SIRT5: variants seen among roughly 807,000 people sequenced by gnomAD.
SIRT5 encodes sirtuin 5.
SIRT5 carries 26 observed loss-of-function variants against 40.0 expected under a neutral mutation model. The ratio of observed to expected loss-of-function variants is 0.65; its 90% confidence interval spans 0.48 to 0.90. The LOEUF is 0.90. SIRT5 is among the 40% of genes least tolerant of loss of function. The probability of loss-of-function intolerance (pLI) is 0.00; values close to 1 mark genes in which losing one functional copy is unlikely to be tolerated. For missense variants in SIRT5, 401 were observed against 402.4 expected, an observed-to-expected ratio of 1.00 and a Z score of 0.03; for synonymous variants, 146 against 149.1, an observed-to-expected ratio of 0.98 and a Z score of 0.15.
chr6:13,605,237 A>T, intron 9 of SIRT5: 1 of 915,262 alleles, frequency 1.1e-6, no homozygotes. Flanking sequence ...ATAAGGTTTC[A>T]TTGGAACACA....
chr6:13,578,252 T>G (rs1758873204), intron 1 of SIRT5, among the ~76,000 whole-genome samples: 1 of 152,210 alleles, frequency 6.6e-6, no homozygotes, highest in Non-Finnish European at 1.5e-5. Flanking sequence ...GATATTGGTC[T>G]GTAGTTTTTC....
rs1051741034 is a variant in SIRT5, at chr6:13,615,142, A to G, written c.*3277A>G. Reference sequence around the variant, plus strand: ...TGCCAGCCGCTTTCGCCGGCAGAGCATTTTCCGTGGGGTCCATCCGGCTCC... The same window carrying G: ...TGCCAGCCGCTTTCGCCGGCAGAGCGTTTTCCGTGGGGTCCATCCGGCTCC... On this transcript the variant is annotated 3_prime_UTR_variant, in exon 10 of 10. Coordinates refer to ENST00000606117, the MANE Select transcript of SIRT5 (RefSeq NM_012241.5). The G allele has an allele frequency of 1.9e-6, 1 of 512,890 alleles. No homozygotes were observed. The highest frequency in any genetic ancestry group is 2.0e-5 in the African/African-American group (1 of 49,492). The allele number at this position is 512,890 out of a possible 1,614,324, so 31.8% of individuals were successfully genotyped here.
At chr6:13,578,561 A>G (rs1042105726) in intron 1 of SIRT5, among the ~76,000 whole-genome samples, 4 of 150,600 alleles carry the variant, frequency 2.7e-5, no homozygotes, top group Non-Finnish European at 5.9e-5. Flanking sequence ...AGCTTGCAGT[A>G]AGTGGAGACG....
chr6:13,576,563 C>T (rs1010205602), intron 1 of SIRT5, among the ~76,000 whole-genome samples: 1 of 152,128 alleles, frequency 6.6e-6, no homozygotes, highest in Non-Finnish European at 1.5e-5. Flanking sequence ...ATAAGAGCCC[C>T]TTATCAGATG....
chr6:13,600,645 T>C (rs1762252260), intron 8 of SIRT5, among the ~76,000 whole-genome samples, 189 bp from the exon 9 acceptor site: 1 of 152,260 alleles, frequency 6.6e-6, no homozygotes, highest in South Asian at 2.1e-4. Flanking sequence ...TTCTCGATTC[T>C]AGTGATTGAT....
At position 13,614,119 on chromosome 6, in the gene SIRT5, C is replaced by T. The variant is rs578257680; in HGVS notation, c.*2254C>T. 6.6e-6 allele frequency: 1 copy of T among 152,318 alleles called. No homozygotes were observed. Among genetic ancestry groups the T allele is most frequent in the East Asian group, 1.9e-4 (1 of 5,192 alleles). 9.4% of individuals were successfully genotyped at this position (152,318 alleles called of 1,614,324 possible). On this transcript the variant is annotated 3_prime_UTR_variant, in exon 10 of 10. Transcript: ENST00000606117. ...ATATGTGTAAGATAGAATTATTCAA[C>T]TTAGCATTTATTAAACATCTACCAG...
chr6:13,576,364 T>C lies in SIRT5; in HGVS notation c.-195+1620T>C, dbSNP rs1234346182. The stretch of plus-strand genomic sequence containing the variant: ...AGCCATTCTAACAAGCGTGAGGTGG[T>C]AGCTCAGTGTGATTTAATTTGCATT... On this transcript the variant is annotated intron_variant, in intron 1 of 9. Coordinates refer to ENST00000606117, the MANE Select transcript of SIRT5 (RefSeq NM_012241.5). 2.0e-5 allele frequency among the ~76,000 whole-genome samples: 3 copies of C among 152,246 alleles called. No homozygotes were observed. The East Asian group carries it at 5.8e-4, about 29-fold the overall frequency.
At chr6:13,589,839 G>A (rs530542279) in intron 4 of SIRT5, among the ~76,000 whole-genome samples, 82 of 152,286 alleles carry the variant, frequency 5.4e-4, no homozygotes, top group South Asian at 4.1e-4. Context: ...GCGCTTAGTT[G>A]CGTCCGAAAA....
At position 13,584,141 on chromosome 6, in the gene SIRT5, T is replaced by C. The variant is rs147272755; in HGVS notation, c.31T>C (p.Leu11=). 9 of 1,614,114 alleles carry C rather than the reference T, an allele frequency of 5.6e-6. No individual in the cohort carries two copies. The East Asian group carries it at 1.8e-4, about 32-fold the overall frequency. The change falls in exon 3 of 10, where the codon TTG becomes CTG. Residue 11 remains leucine (L), a synonymous_variant. Coordinates refer to ENST00000606117, the MANE Select transcript of SIRT5 (RefSeq NM_012241.5). ...ACCTCTCCAGATTGTCCCAAGTCGA[T>C]TGATTTCCCAGCTATATTGTGGCCT... is the stretch of plus-strand genomic sequence containing the variant. The part of the protein sequence containing the change: MRPLQIVPSR[L]ISQLYCGLKP...
intron 9 of SIRT5, chr6:13,605,687 T>C (rs1763013529): frequency 1.0e-6 from 1 of 985,368 alleles, no homozygotes; most frequent in African/African-American, 1.7e-5. Flanking sequence ...TATTGGATGA[T>C]TTCTGATAAA....
chr6:13,601,252 G>A (rs1379276887), intron 9 of SIRT5, among the ~76,000 whole-genome samples: 2 of 152,196 alleles, frequency 1.3e-5, no homozygotes, highest in Non-Finnish European at 2.9e-5. Flanking sequence ...GTGATGACCT[G>A]TAGTTGTAGG....
intron 9 of SIRT5, among the ~76,000 whole-genome samples, chr6:13,611,004 T>G (rs1303631095): frequency 6.6e-6 from 1 of 151,962 alleles, no homozygotes; most frequent in Non-Finnish European, 1.5e-5. Flanking sequence ...TAAACAAAAG[T>G]CCATGATTTT....
chr6:13,599,716 A>G (rs1341483998), intron 8 of SIRT5, among the ~76,000 whole-genome samples: 1 of 152,226 alleles, frequency 6.6e-6, no homozygotes, highest in African/African-American at 2.4e-5. Context: ...ACTACTTTCA[A>G]ACTACAAGTG....
At chr6:13,576,553 A>G (rs1387625376) in intron 1 of SIRT5, among the ~76,000 whole-genome samples, 1 of 152,134 alleles carries the variant, frequency 6.6e-6, no homozygotes, top group East Asian at 1.9e-4. Flanking sequence ...TATATTTTAG[A>G]TAAGAGCCCC....
intron 9 of SIRT5, among the ~76,000 whole-genome samples, chr6:13,603,150 G>A (rs1277323489): frequency 6.6e-6 from 1 of 151,876 alleles, no homozygotes; most frequent in Non-Finnish European, 1.5e-5. Context: ...GGTGGTGGGC[G>A]TCTGTAGTCC....
chr6:13,578,189 GA>G (rs745314659), intron 1 of SIRT5, among the ~76,000 whole-genome samples: 1 of 152,110 alleles, frequency 6.6e-6, no homozygotes, highest in Non-Finnish European at 1.5e-5. Flanking sequence ...ACGTGTCAGT[GA>G]ATTCAGTTTG....
At chr6:13,602,833 G>T (rs915326554) in intron 9 of SIRT5, among the ~76,000 whole-genome samples, 1 of 152,140 alleles carries the variant, frequency 6.6e-6, no homozygotes, top group Non-Finnish European at 1.5e-5. Flanking sequence ...AATGTCAAAA[G>T]AAAATGTAGG....
At position 13,592,084 on chromosome 6, in the gene SIRT5, A is replaced by G. The variant is rs531927646; in HGVS notation, c.475+190A>G. 5.7e-4 allele frequency among the ~76,000 whole-genome samples: 87 copies of G among 152,108 alleles called. 2 individuals carry two copies. The highest frequency in any genetic ancestry group is 3.1e-3 in the Admixed American group (47 of 15,282). On this transcript the variant is annotated intron_variant, in intron 5 of 9. Transcript: ENST00000606117. ...CTGGGCAGCTGCCTTTGGCCATGGG[A>G]GGAGCCCCTGACCCACTAACATTAT... is the stretch of plus-strand genomic sequence containing the variant.
In SIRT5 at chr6:13,607,052, C is replaced by T. The variant is rs1000535704; in HGVS notation, c.858-4738C>T. On this transcript the variant is annotated intron_variant, in intron 9 of 9. Transcript: ENST00000606117. This position sits in a 1 kb window ranked among gnomAD's most constrained non-coding sequence, Gnocchi z 4.0. ...GAGTAGGGATCTGCTGATTGGAGCT[C>T]ACCTTTCTTGTCGTATCCATAATCT... Among the ~76,000 whole-genome samples the T allele has an allele frequency of 6.6e-6, 1 of 150,934 alleles. No homozygotes were observed. Among genetic ancestry groups the T allele is most frequent in the African/African-American group, 2.4e-5 (1 of 40,980 alleles).
Sources: gnomAD v4.1 joint callset for allele counts (sites outside exome capture counted in the v4.1 genomes callset) on GRCh38, gnomAD v4.1.1 for gene constraint, Gnocchi (gnomAD v3.1) non-coding constraint, MANE v1.5 for transcripts, NCBI Gene and HGNC (gene_info 2026-07-23, HGNC 2026-07-21) for gene names.